The following MMP16 variants were observed in gnomAD, a reference collection of about 807,000 sequenced individuals.
MMP16 encodes matrix metalloproteinase-16.
In MMP16, 12 loss-of-function variants were observed where a neutral mutation model predicts 67.8. The ratio of observed to expected loss-of-function variants is 0.18; its 90% CI spans 0.11 to 0.29. The LOEUF (loss-of-function observed/expected upper bound fraction) is 0.29, where lower values mean the gene tolerates loss of function less well. Ranked by LOEUF, MMP16 falls within the 10% of genes least tolerant of loss-of-function variation. MMP16 has a pLI of 1.00. For synonymous variants in MMP16, 249 were observed against 255.9 expected, an observed-to-expected ratio of 0.97 and a Z score of 0.26; for missense variants, 475 against 765.7, an observed-to-expected ratio of 0.62 and a Z score of 4.48.
At chr8:88,283,621 T>C (rs1240320874) in intron 1 of MMP16, among the ~76,000 whole-genome samples, 1 of 152,150 alleles carries the variant, frequency 6.6e-6, no homozygotes, top group African/African-American at 2.4e-5. Flanking sequence ...CCTTTAGAAA[T>C]GTCACATTGT....
chr8:88,235,189 C>T (rs918017261), intron 1 of MMP16, among the ~76,000 whole-genome samples: 14 of 152,152 alleles, frequency 9.2e-5, no homozygotes, highest in African/African-American at 2.9e-4. Context: ...GTCAGGAGTT[C>T]GAGACCAGCC....
intron 3 of MMP16, among the ~76,000 whole-genome samples, chr8:88,171,397 T>G (rs1382053054): frequency 6.6e-6 from 1 of 152,150 alleles, no homozygotes; most frequent in African/African-American, 2.4e-5. Flanking sequence ...TGGGCCTAGG[T>G]TGAATCTGGG....
chr8:88,295,835 T>C (rs1426731713), intron 1 of MMP16, among the ~76,000 whole-genome samples: 1 of 152,130 alleles, frequency 6.6e-6, no homozygotes, highest in Non-Finnish European at 1.5e-5. Flanking sequence ...ATACGTTGCT[T>C]TACAAGACAT....
At chr8:88,149,558 C>A (rs1287334682) in intron 4 of MMP16, among the ~76,000 whole-genome samples, 1 of 152,072 alleles carries the variant, frequency 6.6e-6, no homozygotes. Flanking sequence ...TGACCCCTGA[C>A]CCCCGAGCAG....
chr8:88,235,789 A>C (rs114089957), intron 1 of MMP16, among the ~76,000 whole-genome samples: 2,503 of 152,258 alleles, frequency 0.016, 71 homozygotes, highest in African/African-American at 0.054. Flanking sequence ...CATACTTCCA[A>C]TACATTGTTA....
intron 4 of MMP16, among the ~76,000 whole-genome samples, chr8:88,119,916 C>T (rs879737479): frequency 1.2e-4 from 19 of 152,018 alleles, no homozygotes; most frequent in Non-Finnish European, 2.6e-4. Flanking sequence ...AAACTCCTTT[C>T]CAACCACTTT....
intron 4 of MMP16, among the ~76,000 whole-genome samples, chr8:88,157,241 C>G (rs150867270): frequency 4.6e-5 from 7 of 152,062 alleles, no homozygotes; most frequent in African/African-American, 1.7e-4. Context: ...TTAACTCTTG[C>G]CCTTATTCTC....
intron 1 of MMP16, among the ~76,000 whole-genome samples, chr8:88,326,637 A>T (rs1811542908): frequency 6.6e-6 from 1 of 152,258 alleles, no homozygotes; most frequent in South Asian, 2.1e-4. Context: ...AGATTCTTTG[A>T]TTTTTAACCT....
At position 88,041,379 on chromosome 8, in the gene MMP16, G is replaced by C; in HGVS notation, c.*82C>G. 1 of 1,425,936 alleles carries C rather than the reference G, an allele frequency of 7.0e-7. No individual in the cohort carries two copies. Among genetic ancestry groups the C allele is most frequent in the Non-Finnish European group, 9.6e-7 (1 of 1,040,490 alleles). The allele number at this position is 1,425,936 out of a possible 1,614,324, so 88.3% of individuals were successfully genotyped here. Reference sequence around the variant, plus strand: ...GCTGCCACAAGCCTGCTCCTAGCTAGGAAACAGCATAACAGCTCTTGTCTT... The same window carrying C: ...GCTGCCACAAGCCTGCTCCTAGCTACGAAACAGCATAACAGCTCTTGTCTT... On this transcript the variant is annotated 3_prime_UTR_variant, in exon 10 of 10. Transcript: ENST00000286614. This position sits in a 1 kb window ranked among gnomAD's most constrained non-coding sequence, Gnocchi z 6.0.
chr8:88,298,591 G>A (rs1811047305), intron 1 of MMP16, among the ~76,000 whole-genome samples: 1 of 152,124 alleles, frequency 6.6e-6, no homozygotes, highest in Non-Finnish European at 1.5e-5. Flanking sequence ...TCCTGAAAGA[G>A]ATTTTCTGGA....
intron 1 of MMP16, among the ~76,000 whole-genome samples, chr8:88,272,268 T>C (rs1295058571): frequency 6.6e-6 from 1 of 152,156 alleles, no homozygotes; most frequent in Admixed American, 6.5e-5. Flanking sequence ...ATCAGCAATA[T>C]CATCAAGATC....
rs1339747889 is a variant in MMP16 at position 88,034,755 on chromosome 8, A to G, written c.*6706T>C. ...ATTGGCATTATGTAACGGCAAATGA[A>G]ACATGCATCCTAGTGACTTTTCAAA... is the stretch of plus-strand genomic sequence containing the variant. On this transcript the variant is annotated 3_prime_UTR_variant, in exon 10 of 10. Coordinates refer to ENST00000286614, the MANE Select transcript of MMP16 (RefSeq NM_005941.5). 6.6e-6 allele frequency: 1 copy of G among 152,020 alleles called. No individual in the cohort carries two copies. Among genetic ancestry groups the G allele is most frequent in the East Asian group, 1.9e-4 (1 of 5,180 alleles). 9.4% of individuals were successfully genotyped at this position (152,020 alleles called of 1,614,324 possible). A position where few individuals can be genotyped will look rare whatever the true frequency, so the allele number is the denominator to read the frequency against.
intron 6 of MMP16, among the ~76,000 whole-genome samples, chr8:88,076,230 C>T (rs1808649311): frequency 6.6e-6 from 1 of 152,070 alleles, no homozygotes; most frequent in Non-Finnish European, 1.5e-5. Context: ...ATATACTAGT[C>T]ACTGAGTTAG....
intron 1 of MMP16, among the ~76,000 whole-genome samples, chr8:88,305,068 A>G (rs1222533496): frequency 6.6e-6 from 1 of 152,122 alleles, no homozygotes; most frequent in African/African-American, 2.4e-5. Context: ...AAAGTGAAAG[A>G]CACATAGGCT....
intron 6 of MMP16, among the ~76,000 whole-genome samples, chr8:88,091,571 TCACACA>T (rs541618142): frequency 5.3e-5 from 7 of 131,142 alleles, no homozygotes; most frequent in East Asian, 2.9e-4. Flanking sequence ...ACACACACAC[TCACACA>T]CACACAGGTT....
chr8:88,181,408 A>G (rs1227748085), intron 3 of MMP16, among the ~76,000 whole-genome samples: 1 of 151,996 alleles, frequency 6.6e-6, no homozygotes, highest in Non-Finnish European at 1.5e-5. Flanking sequence ...CTCAAATTTG[A>G]TATGAAAAAC....
chr8:88,216,031 TAGA>T (rs1193791538), intron 1 of MMP16, among the ~76,000 whole-genome samples: 2 of 152,208 alleles, frequency 1.3e-5, no homozygotes, highest in African/African-American at 4.8e-5. Context: ...GTCATTTTCA[TAGA>T]AGAAGAATTA....
intron 1 of MMP16, among the ~76,000 whole-genome samples, chr8:88,296,397 G>A (rs948042516): frequency 6.6e-6 from 1 of 151,888 alleles, no homozygotes; most frequent in South Asian, 2.1e-4. Context: ...CACATCCATC[G>A]CCTCATCAAC....
At chr8:88,234,578 C>G (rs1809911938) in intron 1 of MMP16, among the ~76,000 whole-genome samples, 1 of 152,272 alleles carries the variant, frequency 6.6e-6, no homozygotes, top group African/African-American at 2.4e-5. Context: ...TGCCTTGACC[C>G]TTCTTTAACT....
Sources: allele counts gnomAD v4.1 joint callset (sites outside exome capture counted in the v4.1 genomes callset), GRCh38; gene constraint gnomAD v4.1.1; non-coding constraint Gnocchi (gnomAD v3.1); transcripts MANE v1.5; gene names NCBI Gene and HGNC (gene_info 2026-07-23, HGNC 2026-07-21).